The following SND1 variants were observed in gnomAD, a reference collection of about 807,000 sequenced individuals.
SND1 encodes the protein staphylococcal nuclease domain-containing protein 1.
Under a neutral mutation model 121.7 loss-of-function variants are expected in SND1, and 38 were observed. The observed-to-expected ratio is 0.31, with a 90% CI of 0.24 to 0.41. SND1 has a LOEUF of 0.41. Among genes scored for constraint, SND1 ranks in the 10% least tolerant of loss-of-function variants. The probability of loss-of-function intolerance (pLI) is 1.00; values close to 1 mark genes in which losing one functional copy is unlikely to be tolerated. For missense variants in SND1, 868 were observed against 1,184.6 expected (o/e 0.73, Z 3.92); for synonymous variants, 401 against 447.4 (o/e 0.90, Z 1.31).
intron 10 of SND1, among the ~76,000 whole-genome samples, chr7:127,766,775 A>AAAG (rs1300319121): frequency 7.5e-6 from 1 of 134,170 alleles, no homozygotes; most frequent in Non-Finnish European, 1.5e-5. Context: ...TTGTCTCAAA[A>AAAG]AAAAAAAAAA....
intron 6 of SND1, 140 bp downstream of exon 6, chr7:127,702,666 A>G: frequency 1.5e-6 from 1 of 683,408 alleles, no homozygotes; most frequent in Non-Finnish European, 2.6e-6. Context: ...GTTTTAGTTT[A>G]AACTTTGTAG....
At chr7:127,885,068 T>C (rs986351782) in intron 12 of SND1, among the ~76,000 whole-genome samples, 1 of 152,084 alleles carries the variant, frequency 6.6e-6, no homozygotes, top group African/African-American at 2.4e-5. Context: ...CTTGTATGAG[T>C]GATCATCCTT....
At chr7:127,784,771 A>G (rs1489440866) in intron 10 of SND1, among the ~76,000 whole-genome samples, 1 of 152,242 alleles carries the variant, frequency 6.6e-6, no homozygotes, top group East Asian at 1.9e-4. Flanking sequence ...GGAAAAATAT[A>G]AAAAGGTTTT....
intron 15 of SND1, among the ~76,000 whole-genome samples, chr7:127,946,470 T>C (rs549075425): frequency 6.6e-6 from 1 of 152,334 alleles, no homozygotes; most frequent in East Asian, 1.9e-4. Context: ...CTTAAGTGTA[T>C]AGCTTAGAGA....
At chr7:127,749,087 C>T (rs1797035068) in intron 10 of SND1, among the ~76,000 whole-genome samples, 1 of 147,986 alleles carries the variant, frequency 6.8e-6, no homozygotes, top group Admixed American at 6.7e-5. Flanking sequence ...CTCTGTCACC[C>T]AGGTAGTGCA....
intron 10 of SND1, among the ~76,000 whole-genome samples, chr7:127,737,348 G>A (rs1441811125): frequency 1.3e-5 from 2 of 152,200 alleles, no homozygotes; most frequent in African/African-American, 4.8e-5. Flanking sequence ...GCCAAGGCAG[G>A]TGGATCACCT....
At chr7:127,837,385 G>T (rs901846017) in intron 11 of SND1, among the ~76,000 whole-genome samples, 1 of 152,074 alleles carries the variant, frequency 6.6e-6, no homozygotes, top group East Asian at 1.9e-4. Flanking sequence ...TAGAAATTTT[G>T]CATTAAATAA....
intron 4 of SND1, among the ~76,000 whole-genome samples, chr7:127,700,261 T>C (rs1306994057): frequency 6.6e-6 from 1 of 152,220 alleles, no homozygotes; most frequent in African/African-American, 2.4e-5. Flanking sequence ...TTGTGTTTGG[T>C]TCAATCTCTT....
At chr7:128,016,378 A>G (rs768474450) in intron 16 of SND1, among the ~76,000 whole-genome samples, 12 of 152,104 alleles carry the variant, frequency 7.9e-5, no homozygotes, top group Non-Finnish European at 1.6e-4. Flanking sequence ...TATATTTTTA[A>G]TCTTTAATAA....
intron 16 of SND1, 88 bp from the exon 17 acceptor site, chr7:128,074,414 G>A: frequency 7.3e-7 from 1 of 1,375,510 alleles, no homozygotes. Context: ...TGAGCCCAAG[G>A]CTTCGGCGCT....
chr7:127,749,155 T>A (rs1247616785), intron 10 of SND1, among the ~76,000 whole-genome samples: 1 of 145,216 alleles, frequency 6.9e-6, no homozygotes, highest in East Asian at 2.3e-4. Context: ...TGCGTCAGCC[T>A]CCCAACTAGC....
intron 16 of SND1, chr7:128,030,866 G>C (rs991185869): frequency 1.2e-5 from 6 of 521,036 alleles, no homozygotes; most frequent in African/African-American, 7.7e-5. Context: ...CGAAAGCTAC[G>C]ACTCTCCCAC....
Position 127,990,833 on chromosome 7 carries a change from A to G in SND1, c.1670-114A>G, listed in dbSNP as rs978614937. On this transcript the variant is annotated intron_variant, in intron 15 of 23. Transcript: ENST00000354725. ...TCTGTCTTCGTCTCAGATAGAATGG[A>G]TGGAAGTTAGATGTAACGCCTGCTT... is the stretch of plus-strand genomic sequence containing the variant. 13 of 667,974 alleles carry G rather than the reference A, an allele frequency of 1.9e-5. No homozygotes were observed. In the African/African-American group the frequency reaches 2.4e-4, roughly 12 times the overall value. 41.4% of individuals were successfully genotyped at this position (667,974 alleles called of 1,614,324 possible).
At chr7:127,727,429 T>A (rs1470655208) in intron 10 of SND1, among the ~76,000 whole-genome samples, 1 of 152,170 alleles carries the variant, frequency 6.6e-6, no homozygotes, top group Admixed American at 6.5e-5. Context: ...CAGTTTAGAT[T>A]TGTAAAGGCA....
Position 128,092,270 on chromosome 7 carries a change from G to C in SND1, c.*212G>C. 1.7e-6 allele frequency: 1 copy of C among 581,950 alleles called. No homozygotes were observed. The highest frequency in any genetic ancestry group is 3.1e-6 in the Non-Finnish European group (1 of 326,516). 36.0% of individuals were successfully genotyped at this position (581,950 alleles called of 1,614,324 possible). A position where few individuals can be genotyped will look rare whatever the true frequency, so the allele number is the denominator to read the frequency against. On this transcript the variant is annotated 3_prime_UTR_variant, in exon 24 of 24. Transcript: ENST00000354725. This position sits in a 1 kb window ranked among gnomAD's most constrained non-coding sequence, Gnocchi z 4.9. The stretch of plus-strand genomic sequence containing the variant: ...AGACCCTTGTCCTCTGGGATGATGG[G>C]CACTGCTATCCACAGTCTCTGCCAG...
intron 16 of SND1, among the ~76,000 whole-genome samples, chr7:128,038,291 A>G (rs1290181006): frequency 1.3e-5 from 2 of 152,224 alleles, no homozygotes; most frequent in Admixed American, 6.5e-5. Flanking sequence ...AGTGGGCATT[A>G]TGGTGTACTG....
chr7:127,871,617 G>T (rs960315111), intron 12 of SND1, among the ~76,000 whole-genome samples: 9 of 152,152 alleles, frequency 5.9e-5, no homozygotes, highest in African/African-American at 1.9e-4. Flanking sequence ...ATAAGTTGCA[G>T]AAAACTGTAT....
chr7:127,736,560 C>G (rs1322575773), intron 10 of SND1, among the ~76,000 whole-genome samples: 1 of 152,174 alleles, frequency 6.6e-6, no homozygotes, highest in African/African-American at 2.4e-5. Flanking sequence ...ACGGTCTGTT[C>G]AGATCAGAGG....
At chr7:127,848,081 G>C (rs1486962372) in intron 12 of SND1, among the ~76,000 whole-genome samples, 1 of 152,162 alleles carries the variant, frequency 6.6e-6, no homozygotes, top group Non-Finnish European at 1.5e-5. Flanking sequence ...TCCATAGGGA[G>C]GAAACATTGG....
Sources: gnomAD v4.1 joint callset for allele counts (sites outside exome capture counted in the v4.1 genomes callset) on GRCh38, gnomAD v4.1.1 for gene constraint, Gnocchi (gnomAD v3.1) non-coding constraint, MANE v1.5 for transcripts, NCBI Gene and HGNC (gene_info 2026-07-23, HGNC 2026-07-21) for gene names.